MTUS2: variants seen among roughly 807,000 people sequenced by gnomAD.
MTUS2 encodes microtubule-associated tumor suppressor candidate 2.
In MTUS2, 40 loss-of-function variants were observed where a neutral mutation model predicts 114.1. That is an observed-to-expected ratio of 0.35 (90% CI 0.27 to 0.46). The LOEUF is 0.46. Among genes scored for constraint, MTUS2 ranks in the 20% least tolerant of loss-of-function variants. The pLI is 1.00. For synonymous variants in MTUS2, 688 were observed against 672.0 expected, an observed-to-expected ratio of 1.02 and a Z score of -0.37; for missense variants, 1,679 against 1,705.4, an observed-to-expected ratio of 0.98 and a Z score of 0.27.
At chr13:29,371,975 C>A (rs958627876) in intron 8 of MTUS2, among the ~76,000 whole-genome samples, 1 of 56,660 alleles carries the variant, frequency 1.8e-5, no homozygotes, top group African/African-American at 6.2e-5. Flanking sequence ...CCTCAACCCC[C>A]GCCCCCCCCC....
chr13:29,236,143 G>A (rs537375105), intron 5 of MTUS2, among the ~76,000 whole-genome samples: 5 of 151,862 alleles, frequency 3.3e-5, no homozygotes, highest in Non-Finnish European at 7.4e-5. Context: ...CTAATTTATT[G>A]TTATTTTTTA....
intron 8 of MTUS2, among the ~76,000 whole-genome samples, chr13:29,390,355 A>T (rs1438903417): frequency 6.6e-6 from 1 of 151,976 alleles, no homozygotes; most frequent in Admixed American, 6.6e-5. Context: ...CATTTCCATT[A>T]AGTTTGAAAA....
intron 4 of MTUS2, among the ~76,000 whole-genome samples, chr13:29,055,060 G>A (rs988847166): frequency 1.2e-4 from 19 of 152,006 alleles, no homozygotes; most frequent in African/African-American, 4.3e-4. Context: ...TTGATTGATA[G>A]CGTTATTGCA....
At chr13:29,403,152 A>G (rs1874478627) in intron 8 of MTUS2, among the ~76,000 whole-genome samples, 1 of 152,198 alleles carries the variant, frequency 6.6e-6, no homozygotes, top group South Asian at 2.1e-4. Context: ...TCCAATTCAA[A>G]TTAAGTATAG....
chr13:29,350,983 A>ATATATATATATATATATATATATATATT (rs1566147471), intron 7 of MTUS2, among the ~76,000 whole-genome samples: 1 of 143,354 alleles, frequency 7.0e-6, no homozygotes, highest in Non-Finnish European at 1.5e-5. Context: ...ATATATATAT[A>ATATATATATATATATATATATATATATT]TCTTCAGAGG....
At chr13:29,194,398 GA>G (rs1894583174) in intron 5 of MTUS2, among the ~76,000 whole-genome samples, 1 of 149,854 alleles carries the variant, frequency 6.7e-6, no homozygotes, top group African/African-American at 2.4e-5. Context: ...AAATTTACAA[GA>G]AAAAAACAAA....
chr13:29,440,553 C>T (rs1024296686), intron 9 of MTUS2, among the ~76,000 whole-genome samples: 2 of 152,180 alleles, frequency 1.3e-5, no homozygotes, highest in African/African-American at 4.8e-5. Flanking sequence ...GGAGACCTTA[C>T]AAATAAAATG....
chr13:29,449,445 ACAGTG>A (rs1878531918), intron 9 of MTUS2, among the ~76,000 whole-genome samples: 1 of 152,194 alleles, frequency 6.6e-6, no homozygotes, highest in African/African-American at 2.4e-5. Flanking sequence ...TTATAGTTAC[ACAGTG>A]CTTAGTACCT....
rs1875382424 is a variant in MTUS2, at chr13:29,413,022, T to G, written c.3118-26961T>G. Reference sequence around the variant, plus strand: ...TTACATGTCTCTGACACTGATTCTTTCCTTCCCTCTTCCATATTTAAGGAC... The same window carrying G: ...TTACATGTCTCTGACACTGATTCTTGCCTTCCCTCTTCCATATTTAAGGAC... On this transcript the variant is annotated intron_variant, in intron 8 of 15. Transcript: ENST00000612955. Among the ~76,000 whole-genome samples the G allele has an allele frequency of 2.0e-5, 3 of 152,214 alleles. No individual in the cohort carries two copies. The South Asian group carries it at 6.2e-4, about 32-fold the overall frequency.
At chr13:29,175,460 G>C (rs1018523834) in intron 5 of MTUS2, among the ~76,000 whole-genome samples, 1 of 152,172 alleles carries the variant, frequency 6.6e-6, no homozygotes, top group Non-Finnish European at 1.5e-5. Flanking sequence ...ATTAGACAAC[G>C]GGTGTTCTCC....
chr13:28,852,039 T>C (rs1309757180), intron 2 of MTUS2, among the ~76,000 whole-genome samples: 1 of 152,116 alleles, frequency 6.6e-6, no homozygotes, highest in East Asian at 1.9e-4. Flanking sequence ...TCCTGATGCC[T>C]CCTTGCTGTT....
chr13:28,827,808 G>A (rs995329072), intron 1 of MTUS2, among the ~76,000 whole-genome samples: 4 of 152,168 alleles, frequency 2.6e-5, no homozygotes, highest in African/African-American at 7.2e-5. Flanking sequence ...GGGAGTGTAC[G>A]AATAGTGTGT....
intron 8 of MTUS2, chr13:29,428,676 T>C: frequency 6.7e-6 from 8 of 1,187,040 alleles, no homozygotes; most frequent in East Asian, 1.3e-4. Context: ...TTCCTCTGCC[T>C]CCTGGATTCC....
chr13:28,994,120 C>T (rs1320820535), intron 2 of MTUS2, among the ~76,000 whole-genome samples: 1 of 152,028 alleles, frequency 6.6e-6, no homozygotes, highest in Non-Finnish European at 1.5e-5. Flanking sequence ...TCTCATTGTT[C>T]AATTACCACC....
chr13:28,898,872 G>A (rs1879453705), intron 2 of MTUS2, among the ~76,000 whole-genome samples: 1 of 152,158 alleles, frequency 6.6e-6, no homozygotes, highest in Admixed American at 6.5e-5. Context: ...TTAAATGTGT[G>A]ATTGAACTGT....
At chr13:29,194,830 G>A (rs984906486) in intron 5 of MTUS2, among the ~76,000 whole-genome samples, 1 of 151,826 alleles carries the variant, frequency 6.6e-6, no homozygotes, top group African/African-American at 2.4e-5. Context: ...CAATAGCAAA[G>A]ACTTGGAACC....
At chr13:29,122,837 G>A (rs185330430) in intron 5 of MTUS2, among the ~76,000 whole-genome samples, 6 of 152,230 alleles carry the variant, frequency 3.9e-5, no homozygotes, top group African/African-American at 1.4e-4. Flanking sequence ...CCGTATCACT[G>A]GCTCTCTCCT....
At chr13:28,947,943 G>T (rs770960935) in intron 2 of MTUS2, among the ~76,000 whole-genome samples, 1 of 152,246 alleles carries the variant, frequency 6.6e-6, no homozygotes, top group South Asian at 2.1e-4. Context: ...AATTTCAGTG[G>T]CTTGCTTGAG....
At chr13:29,260,049 AG>A (rs1897412846) in intron 5 of MTUS2, among the ~76,000 whole-genome samples, 1 of 152,266 alleles carries the variant, frequency 6.6e-6, no homozygotes, top group African/African-American at 2.4e-5. Flanking sequence ...AGCAAAGAAA[AG>A]AATTCACTTT....
Sources: allele counts gnomAD v4.1 joint callset (sites outside exome capture counted in the v4.1 genomes callset), GRCh38; gene constraint gnomAD v4.1.1; transcripts MANE v1.5; gene names NCBI Gene and HGNC (gene_info 2026-07-23, HGNC 2026-07-21).